The following SPRR2G variants were observed in gnomAD, a reference collection of about 807,000 sequenced individuals.
SPRR2G encodes the protein small proline rich protein 2G.
Under a neutral mutation model 0.7 loss-of-function variants are expected in SPRR2G, and 1 was observed. The ratio of observed to expected loss-of-function variants is 1.49; its 90% CI spans 0.53 to 7.06. The LOEUF (loss-of-function observed/expected upper bound fraction) is 7.06, where lower values mean the gene tolerates loss of function less well. Ranked by LOEUF, SPRR2G falls within the 30% of genes most tolerant of loss-of-function variation. SPRR2G has a pLI of 0.14. For synonymous variants in SPRR2G, 38 were observed against 33.9 expected (o/e 1.12, Z -0.42); for missense variants, 96 against 88.5 (o/e 1.09, Z -0.34).
the SPRR2G span, among the ~76,000 whole-genome samples, chr1:153,189,810 C>T: frequency 6.6e-6 from 1 of 152,080 alleles, no homozygotes; most frequent in Non-Finnish European, 1.5e-5. Flanking sequence ...AGAAAAAATG[C>T]CTTAGGAACA....
Position 153,149,908 on chromosome 1 carries a change from T to C in SPRR2G, c.203A>G (p.Tyr68Cys). Reference protein sequence around the residue: ...VQPYPPCQQKYPPKSK With the variant: ...VQPYPPCQQKCPPKSK ...GTGATGTTACTTGCTCTTGGGTGGA[T>C]ACTTCTGCTGGCAGGGTGGGTATGG... The change falls in exon 2 of 2, where the codon TAT becomes TGT. Residue 68 changes from tyrosine (Y) to cysteine (C), a missense_variant. Tyr to Cys is a radical substitution (Grantham distance 194). Coordinates refer to ENST00000368748, the MANE Select transcript of SPRR2G (RefSeq NM_001014291.4). 1.9e-6 allele frequency: 3 copies of C among 1,614,118 alleles called. No homozygotes were observed. The highest frequency in any genetic ancestry group is 2.5e-6 in the Non-Finnish European group (3 of 1,180,014).
the SPRR2G span, among the ~76,000 whole-genome samples, chr1:153,197,388 G>A: frequency 8.6e-5 from 13 of 152,014 alleles, no homozygotes; most frequent in Non-Finnish European, 1.5e-4. Flanking sequence ...GCCTCATACA[G>A]ATATATTCAT....
chr1:153,162,317 G>A, the SPRR2G span, among the ~76,000 whole-genome samples: 3 of 152,164 alleles, frequency 2.0e-5, no homozygotes, highest in Admixed American at 1.3e-4. Flanking sequence ...CTCCATCCAT[G>A]TTCCGGCAAA....
In SPRR2G at chr1:153,149,768, C is replaced by G; in HGVS notation, c.*121G>C. On this transcript the variant is annotated 3_prime_UTR_variant, in exon 2 of 2. Coordinates refer to ENST00000368748, the MANE Select transcript of SPRR2G (RefSeq NM_001014291.4). ...GCCTTTTCTCTGTCAACGCTCAAGCCAGACAGAGGTTAGGGAAGATGCAGC... is the reference window on the plus strand; with the variant it reads ...GCCTTTTCTCTGTCAACGCTCAAGCGAGACAGAGGTTAGGGAAGATGCAGC... 1.6e-6 allele frequency: 2 copies of G among 1,287,870 alleles called. No individual in the cohort carries two copies. The highest frequency in any genetic ancestry group is 2.2e-6 in the Non-Finnish European group (2 of 906,628). The allele number at this position is 1,287,870 out of a possible 1,614,324, so 79.8% of individuals were successfully genotyped here.
At chr1:153,163,584 G>A in the SPRR2G span, among the ~76,000 whole-genome samples, 1 of 152,016 alleles carries the variant, frequency 6.6e-6, no homozygotes, top group Non-Finnish European at 1.5e-5. Flanking sequence ...CAAGAGGGGT[G>A]TCCCATCCTC....
the SPRR2G span, among the ~76,000 whole-genome samples, chr1:153,159,951 C>G: frequency 6.6e-6 from 1 of 152,132 alleles, no homozygotes; most frequent in Non-Finnish European, 1.5e-5. Flanking sequence ...GTACACAGAG[C>G]CAAACCATAT....
chr1:153,191,449 G>A, the SPRR2G span: 1 of 152,248 alleles, frequency 6.6e-6, no homozygotes, highest in African/African-American at 2.4e-5. Flanking sequence ...AGGACCCTAA[G>A]TAGATTTTAT....
At chr1:153,153,722 G>C (rs1656520533), upstream of SPRR2G, among the ~76,000 whole-genome samples, 1 of 152,014 alleles carries the variant, frequency 6.6e-6, no homozygotes, top group Non-Finnish European at 1.5e-5. Flanking sequence ...GATTTTACTT[G>C]ATTTAACATT....
intron 1 of SPRR2G, 66 bp from the exon 2 acceptor site, chr1:153,150,197 G>C: frequency 6.3e-7 from 1 of 1,585,870 alleles, no homozygotes; most frequent in Non-Finnish European, 8.5e-7. Context: ...AATTAGCTAG[G>C]ACATCAAATC....
chr1:153,189,947 A>G, the SPRR2G span: 1 of 152,268 alleles, frequency 6.6e-6, no homozygotes, highest in Admixed American at 6.5e-5. Context: ...GAGCGAGTGC[A>G]ATGGGGATGT....
the SPRR2G span, among the ~76,000 whole-genome samples, chr1:153,201,419 C>T: frequency 6.6e-6 from 1 of 152,170 alleles, no homozygotes; most frequent in Non-Finnish European, 1.5e-5. Context: ...GTAGAAATCA[C>T]TACATTTTTT....
the SPRR2G span, among the ~76,000 whole-genome samples, chr1:153,175,082 T>C: frequency 6.6e-6 from 1 of 152,292 alleles, no homozygotes; most frequent in Non-Finnish European, 1.5e-5. Context: ...AGAGCTAATA[T>C]TGTGAGCTTA....
the SPRR2G span, among the ~76,000 whole-genome samples, chr1:153,187,531 CTG>C: frequency 6.6e-6 from 1 of 151,966 alleles, no homozygotes; most frequent in East Asian, 1.9e-4. Flanking sequence ...AGTTCTCGTG[CTG>C]TGTTTTTCAG....
At chr1:153,184,467 C>T in the SPRR2G span, among the ~76,000 whole-genome samples, 1 of 152,236 alleles carries the variant, frequency 6.6e-6, no homozygotes, top group Middle Eastern at 3.4e-3. Flanking sequence ...TTCTTTGTAG[C>T]AATTTTGAAT....
At chr1:153,178,399 T>C in the SPRR2G span, among the ~76,000 whole-genome samples, 2 of 152,168 alleles carry the variant, frequency 1.3e-5, no homozygotes, top group Non-Finnish European at 2.9e-5. Context: ...TTGCCTTGTT[T>C]CTGATATTAG....
At chr1:153,152,520 G>A (rs1336921748), upstream of SPRR2G, among the ~76,000 whole-genome samples, 2 of 152,172 alleles carry the variant, frequency 1.3e-5, no homozygotes, top group East Asian at 1.9e-4. Flanking sequence ...AGGTAGGAAC[G>A]TCTTTGAGTT....
chr1:153,160,172 T>C, the SPRR2G span, among the ~76,000 whole-genome samples: 1 of 147,982 alleles, frequency 6.8e-6, no homozygotes, highest in Non-Finnish European at 1.5e-5. Context: ...TCCTTCTACA[T>C]GACTGGCTTA....
chr1:153,157,483 T>C, the SPRR2G span, among the ~76,000 whole-genome samples: 1 of 152,196 alleles, frequency 6.6e-6, no homozygotes, highest in African/African-American at 2.4e-5. Context: ...ATTGCTTTTA[T>C]TGAGGTATAA....
chr1:153,176,938 C>T, the SPRR2G span, among the ~76,000 whole-genome samples: 3 of 152,098 alleles, frequency 2.0e-5, no homozygotes, highest in South Asian at 2.1e-4. Context: ...AACCTGTGAG[C>T]GCAAGGGGGA....
Sources: allele counts gnomAD v4.1 joint callset (sites outside exome capture counted in the v4.1 genomes callset), GRCh38; gene constraint gnomAD v4.1.1; transcripts MANE v1.5; gene names NCBI Gene and HGNC (gene_info 2026-07-23, HGNC 2026-07-21).